The following SLX4IP variants were observed in gnomAD, a reference collection of about 807,000 sequenced individuals.
The protein encoded by SLX4IP is protein SLX4IP.
SLX4IP carries 34 observed loss-of-function variants against 32.9 expected under a neutral mutation model. The observed-to-expected ratio is 1.03, with a 90% CI of 0.79 to 1.38. The LOEUF (loss-of-function observed/expected upper bound fraction) is 1.38. SLX4IP is among the 40% of genes most tolerant of loss of function. The pLI is 0.00. For missense variants in SLX4IP, 444 were observed against 479.0 expected, an observed-to-expected ratio of 0.93 and a Z score of 0.68; for synonymous variants, 172 against 171.7, an observed-to-expected ratio of 1.00 and a Z score of -0.01.
intron 4 of SLX4IP, among the ~76,000 whole-genome samples, chr20:10,583,726 G>A (rs572332756): frequency 2.1e-3 from 314 of 152,018 alleles, no homozygotes; most frequent in African/African-American, 7.3e-3. Context: ...CTAATTTCAC[G>A]CTAACAATGT....
intron 2 of SLX4IP, among the ~76,000 whole-genome samples, chr20:10,477,795 A>G (rs1258891974): frequency 1.3e-5 from 2 of 152,088 alleles, no homozygotes. Flanking sequence ...AAACATATCT[A>G]TTTTAAGATT....
At chr20:10,479,887 C>A (rs1042262015) in intron 2 of SLX4IP, among the ~76,000 whole-genome samples, 2 of 151,664 alleles carry the variant, frequency 1.3e-5, no homozygotes. Flanking sequence ...GCCTGTAATC[C>A]CAGCCACTCG....
At chr20:10,527,148 TAA>T (rs1324899172) in intron 2 of SLX4IP, among the ~76,000 whole-genome samples, 1 of 152,208 alleles carries the variant, frequency 6.6e-6, no homozygotes, top group Non-Finnish European at 1.5e-5. Flanking sequence ...AAACATGCCA[TAA>T]ACTAGGCCCT....
At chr20:10,563,763 A>G (rs76527752) in intron 4 of SLX4IP, among the ~76,000 whole-genome samples, 89 of 152,216 alleles carry the variant, frequency 5.8e-4, no homozygotes, top group Non-Finnish European at 1.1e-3. Flanking sequence ...CCATTGCTCT[A>G]TGTGTCTGTT....
intron 2 of SLX4IP, among the ~76,000 whole-genome samples, chr20:10,510,544 T>C (rs2065797544): frequency 6.6e-6 from 1 of 152,124 alleles, no homozygotes; most frequent in Non-Finnish European, 1.5e-5. Context: ...AAAGAGAGCC[T>C]GGCCATGGCC....
intron 2 of SLX4IP, among the ~76,000 whole-genome samples, chr20:10,484,771 G>C (rs1892985076): frequency 6.6e-6 from 1 of 152,100 alleles, no homozygotes; most frequent in African/African-American, 2.4e-5. Context: ...ATATGAAAAA[G>C]ATAGCTAGTA....
chr20:10,444,016 C>T (rs2065179839), intron 1 of SLX4IP, among the ~76,000 whole-genome samples: 1 of 152,156 alleles, frequency 6.6e-6, no homozygotes, highest in Non-Finnish European at 1.5e-5. Flanking sequence ...ATTACCCAGT[C>T]TCAGGTAGTT....
intron 2 of SLX4IP, among the ~76,000 whole-genome samples, chr20:10,480,414 A>G (rs1236788472): frequency 6.6e-6 from 1 of 152,080 alleles, no homozygotes; most frequent in Non-Finnish European, 1.5e-5. Context: ...CCAAAAAAAA[A>G]AAAGGAAAAT....
chr20:10,589,620 C>T (rs982048720), intron 4 of SLX4IP, among the ~76,000 whole-genome samples: 1 of 152,158 alleles, frequency 6.6e-6, no homozygotes, highest in African/African-American at 2.4e-5. Context: ...CTGTTGAATA[C>T]TCAATTTATT....
At chr20:10,485,345 G>T (rs942377399) in intron 2 of SLX4IP, among the ~76,000 whole-genome samples, 1 of 152,156 alleles carries the variant, frequency 6.6e-6, no homozygotes, top group African/African-American at 2.4e-5. Context: ...GTTCATGCCT[G>T]TAAACCCAGC....
chr20:10,488,640 T>G (rs1483374948), intron 2 of SLX4IP, among the ~76,000 whole-genome samples: 1 of 152,140 alleles, frequency 6.6e-6, no homozygotes, highest in African/African-American at 2.4e-5. Flanking sequence ...ATAACAGTAT[T>G]GGGGTAGATG....
intron 2 of SLX4IP, among the ~76,000 whole-genome samples, chr20:10,518,537 CCTTCCTT>C (rs2065877799): frequency 9.6e-5 from 9 of 93,354 alleles, no homozygotes; most frequent in African/African-American, 3.4e-4. Flanking sequence ...TTCCTTCCTT[CCTTCCTT>C]CCTTCCTTTC....
At chr20:10,552,580 C>G (rs1438798462) in intron 2 of SLX4IP, among the ~76,000 whole-genome samples, 1 of 152,066 alleles carries the variant, frequency 6.6e-6, no homozygotes, top group Non-Finnish European at 1.5e-5. Flanking sequence ...GCCTGCCAAA[C>G]AGTGGAGGCT....
intron 4 of SLX4IP, among the ~76,000 whole-genome samples, chr20:10,574,841 T>A (rs535938264): frequency 6.6e-6 from 1 of 152,098 alleles, no homozygotes; most frequent in East Asian, 1.9e-4. Flanking sequence ...CCCAGCTAAT[T>A]TTTGTATTTT....
At chr20:10,450,229 G>A (rs2065231051) in intron 1 of SLX4IP, among the ~76,000 whole-genome samples, 1 of 152,082 alleles carries the variant, frequency 6.6e-6, no homozygotes, top group Admixed American at 6.5e-5. Flanking sequence ...TGACAAAACT[G>A]TCCCCTTTTT....
intron 2 of SLX4IP, among the ~76,000 whole-genome samples, chr20:10,507,124 A>G (rs1490248455): frequency 1.3e-5 from 2 of 152,182 alleles, no homozygotes; most frequent in African/African-American, 2.4e-5. Flanking sequence ...AGAAGACTTG[A>G]AGAGATGAGG....
In SLX4IP at chr20:10,483,830, G is replaced by A. The variant is rs1047804823; in HGVS notation, c.27+25599G>A. ...AAAGGAGGTCATAAAACCTAGGAAGGAGTTTCTGACCTTCCTCTGAAGCAA... is the reference window on the plus strand; with the variant it reads ...AAAGGAGGTCATAAAACCTAGGAAGAAGTTTCTGACCTTCCTCTGAAGCAA... On this transcript the variant is annotated intron_variant, in intron 2 of 7. Transcript: ENST00000334534. Among the ~76,000 whole-genome samples, 35 of 131,724 alleles carry A rather than the reference G, an allele frequency of 2.7e-4. No homozygotes were observed. In the Admixed American group the frequency reaches 3.3e-3, roughly 13 times the overall value. 86.4% of individuals were successfully genotyped at this position (131,724 alleles called of 152,430 possible). A position where few individuals can be genotyped will look rare whatever the true frequency, so the allele number is the denominator to read the frequency against.
intron 1 of SLX4IP, among the ~76,000 whole-genome samples, chr20:10,457,655 G>A (rs1455005762): frequency 6.6e-6 from 1 of 152,000 alleles, no homozygotes. Context: ...GGACATTGAT[G>A]TGTGGTTTTC....
chr20:10,561,545 C>CTTTTTTTTTT (rs749781715), intron 4 of SLX4IP, among the ~76,000 whole-genome samples: 19 of 139,138 alleles, frequency 1.4e-4, no homozygotes, highest in African/African-American at 5.1e-4. Flanking sequence ...TTTCTTTTTT[C>CTTTTTTTTTT]TTTTTTTTTT....
Sources: gnomAD v4.1 joint callset for allele counts (sites outside exome capture counted in the v4.1 genomes callset) on GRCh38, gnomAD v4.1.1 for gene constraint, MANE v1.5 for transcripts, NCBI Gene and HGNC (gene_info 2026-07-23, HGNC 2026-07-21) for gene names.